DDAH1: variants seen among roughly 807,000 people sequenced by gnomAD.
DDAH1 encodes N(G),N(G)-dimethylarginine dimethylaminohydrolase 1.
In DDAH1, 19 loss-of-function variants were observed where a neutral mutation model predicts 28.8. The ratio of observed to expected loss-of-function variants is 0.66; its 90% CI spans 0.46 to 0.97. The LOEUF (loss-of-function observed/expected upper bound fraction) is 0.97. DDAH1 is among the 50% of genes least tolerant of loss of function. The probability of loss-of-function intolerance (pLI) is 0.00; values close to 1 mark genes in which losing one functional copy is unlikely to be tolerated. For synonymous variants in DDAH1, 153 were observed against 154.4 expected, an observed-to-expected ratio of 0.99 and a Z score of 0.07; for missense variants, 326 against 375.9, an observed-to-expected ratio of 0.87 and a Z score of 1.10.
At chr1:85,380,780 G>A (rs1650941645) in intron 1 of DDAH1, among the ~76,000 whole-genome samples, 1 of 152,122 alleles carries the variant, frequency 6.6e-6, no homozygotes. Context: ...AGGTTTTGCT[G>A]CACATATATT....
chr1:85,381,352 T>TTTC (rs1650979114), intron 1 of DDAH1, among the ~76,000 whole-genome samples: 1 of 151,770 alleles, frequency 6.6e-6, no homozygotes, highest in Non-Finnish European at 1.5e-5. Context: ...GCATTGTTTC[T>TTTC]TTTATTTCAA....
intron 1 of DDAH1, among the ~76,000 whole-genome samples, chr1:85,544,092 G>A (rs1658549183): frequency 6.6e-6 from 1 of 152,186 alleles, no homozygotes; most frequent in African/African-American, 2.4e-5. Context: ...ATGCACTGAT[G>A]TACATAGAAA....
At chr1:85,350,866 G>C (rs574256739) in intron 3 of DDAH1, among the ~76,000 whole-genome samples, 2 of 152,196 alleles carry the variant, frequency 1.3e-5, no homozygotes, top group South Asian at 4.2e-4. Context: ...GGAGCATCTT[G>C]AGAGTTATAT....
chr1:85,422,091 T>A (rs930669050), intron 1 of DDAH1, among the ~76,000 whole-genome samples: 1 of 152,132 alleles, frequency 6.6e-6, no homozygotes, highest in Non-Finnish European at 1.5e-5. Flanking sequence ...GTCAGTTTTT[T>A]AAAATTTTAG....
chr1:85,403,891 A>G (rs1652275054), intron 1 of DDAH1, among the ~76,000 whole-genome samples: 1 of 152,204 alleles, frequency 6.6e-6, no homozygotes, highest in African/African-American at 2.4e-5. Flanking sequence ...CATTTAAAAT[A>G]TTGTTTTCCC....
At position 85,535,346 on chromosome 1, in the gene DDAH1, C is replaced by A. The variant is rs1658239317; in HGVS notation, c.-122-39065G>T. Among the ~76,000 whole-genome samples, 4 of 136,694 alleles carry A rather than the reference C, an allele frequency of 2.9e-5. No individual in the cohort carries two copies. The Admixed American group carries it at 3.1e-4, about 10-fold the overall frequency. 89.7% of individuals were successfully genotyped at this position (136,694 alleles called of 152,430 possible). On this transcript the variant is annotated intron_variant, in intron 1 of 6. Coordinates refer to the DDAH1 transcript ENST00000426972. ...CTTCTTAGGAAGTTGTTCCAATATT[C>A]CTCCCAGTCATAAAACTCTTACATT...
chr1:85,526,334 C>T lies in DDAH1; in HGVS notation c.-122-30053G>A, dbSNP rs545321170. On this transcript the variant is annotated intron_variant, in intron 1 of 6. Coordinates refer to the DDAH1 transcript ENST00000426972. ...TCCCTCAGCTTCTGAATCATCTCCTCATTCTGTGATGTACCCCTGGGTTCT... is the reference window on the plus strand; with the variant it reads ...TCCCTCAGCTTCTGAATCATCTCCTTATTCTGTGATGTACCCCTGGGTTCT... Among the ~76,000 whole-genome samples the T allele has an allele frequency of 6.5e-4, 99 of 152,328 alleles. 1 individual carries two copies. In the East Asian group the frequency reaches 0.014, roughly 22 times the overall value.
upstream of DDAH1, among the ~76,000 whole-genome samples, chr1:85,468,681 A>G (rs650252): frequency 0.99 from 150,176 of 151,822 alleles, 74,301 homozygotes; most frequent in Middle Eastern, 1. Context: ...CACCACACCC[A>G]GCTAATTTTT....
At chr1:85,335,546 G>GAAAAACAGT (rs1648052205) in intron 4 of DDAH1, among the ~76,000 whole-genome samples, 2 of 151,784 alleles carry the variant, frequency 1.3e-5, no homozygotes, top group African/African-American at 4.8e-5. Flanking sequence ...GATTTTTAAT[G>GAAAAACAGT]AAAAACAGTA....
intron 4 of DDAH1, among the ~76,000 whole-genome samples, chr1:85,342,961 A>G (rs1648597389): frequency 6.6e-6 from 1 of 152,200 alleles, no homozygotes; most frequent in Non-Finnish European, 1.5e-5. Flanking sequence ...TCTCACTAGG[A>G]ACCACTAATT....
At chr1:85,510,193 T>C (rs1049143966) in intron 1 of DDAH1, among the ~76,000 whole-genome samples, 3 of 152,138 alleles carry the variant, frequency 2.0e-5, no homozygotes, top group South Asian at 4.1e-4. Context: ...GGGGCCAATA[T>C]TCAACATTCT....
chr1:85,548,958 T>G (rs1419496282), intron 1 of DDAH1, among the ~76,000 whole-genome samples: 1 of 152,098 alleles, frequency 6.6e-6, no homozygotes, highest in Non-Finnish European at 1.5e-5. Flanking sequence ...ACCCTGAAAA[T>G]ATCTGGGCAT....
intron 1 of DDAH1, among the ~76,000 whole-genome samples, chr1:85,375,999 G>A (rs1269495320): frequency 6.6e-6 from 1 of 152,100 alleles, no homozygotes; most frequent in African/African-American, 2.4e-5. Context: ...TAATGGTGGT[G>A]GACAATACTG....
At chr1:85,334,123 A>T (rs1570387945) in intron 4 of DDAH1, among the ~76,000 whole-genome samples, 1 of 152,164 alleles carries the variant, frequency 6.6e-6, no homozygotes, top group Non-Finnish European at 1.5e-5. Flanking sequence ...TGCTGTTCTC[A>T]TGATAGTGAG....
intron 1 of DDAH1, among the ~76,000 whole-genome samples, chr1:85,400,802 T>A (rs1171860013): frequency 6.6e-6 from 1 of 152,216 alleles, no homozygotes; most frequent in Non-Finnish European, 1.5e-5. Flanking sequence ...GTGACCCATC[T>A]GTAACAGTGT....
intron 2 of DDAH1, among the ~76,000 whole-genome samples, chr1:85,478,541 T>A (rs750504672): frequency 3.2e-4 from 48 of 151,606 alleles, no homozygotes; most frequent in Middle Eastern, 3.2e-3. Context: ...CCAGATCTCA[T>A]GAGACTTATT....
rs183781369 is a variant in DDAH1 at position 85,430,605 on chromosome 1, G to C, written c.303+34138C>G. On this transcript the variant is annotated intron_variant, in intron 1 of 5. Transcript: ENST00000284031. ...AGTGGTTTGTAGTTCTCCTTGAAGA[G>C]GTTCGTCACATCCCTTGTAAGTTGG... Among the ~76,000 whole-genome samples the C allele has an allele frequency of 2.8e-3, 427 of 152,212 alleles. 3 individuals carry two copies. Among genetic ancestry groups the C allele is most frequent in the African/African-American group, 9.9e-3 (410 of 41,522 alleles).
At chr1:85,451,059 C>T (rs868825667) in intron 1 of DDAH1, among the ~76,000 whole-genome samples, 8 of 152,138 alleles carry the variant, frequency 5.3e-5, no homozygotes, top group Non-Finnish European at 1.2e-4. Flanking sequence ...GTGGCACAGG[C>T]GCTGGGTGAC....
chr1:85,551,769 G>A, intron 1 of DDAH1, among the ~76,000 whole-genome samples: 1 of 152,214 alleles, frequency 6.6e-6, no homozygotes. Context: ...CTTCACAGAG[G>A]TGACATTTCA....
Sources: allele counts gnomAD v4.1 joint callset (sites outside exome capture counted in the v4.1 genomes callset), GRCh38; gene constraint gnomAD v4.1.1; transcripts MANE v1.5; gene names NCBI Gene and HGNC (gene_info 2026-07-23, HGNC 2026-07-21).